CFAP126: variants seen among roughly 807,000 people sequenced by gnomAD.
CFAP126 encodes the protein protein Flattop.
CFAP126 carries 21 observed loss-of-function variants against 17.1 expected under a neutral mutation model. The ratio of observed to expected loss-of-function variants is 1.23; its 90% confidence interval spans 0.87 to 1.77. CFAP126 has a LOEUF of 1.77. Ranked by LOEUF, CFAP126 falls within the 40% of genes most tolerant of loss-of-function variation. The probability of loss-of-function intolerance (pLI) is 0.00; values close to 1 mark genes in which losing one functional copy is unlikely to be tolerated. For missense variants in CFAP126, 174 were observed against 215.4 expected (o/e 0.81, Z 1.20); for synonymous variants, 65 against 73.5 (o/e 0.88, Z 0.59).
Position 161,364,895 on chromosome 1 carries a change from G to A in CFAP126, c.*70C>T. 6.9e-7 allele frequency: 1 copy of A among 1,449,782 alleles called. No individual in the cohort carries two copies. The highest frequency in any genetic ancestry group is 9.5e-7 in the Non-Finnish European group (1 of 1,047,398). The allele number at this position is 1,449,782 out of a possible 1,614,324, so 89.8% of individuals were successfully genotyped here. A position where few individuals can be genotyped will look rare whatever the true frequency, so the allele number is the denominator to read the frequency against. ...TTGGTCCATATGAAGTTCCAGGTTT[G>A]TATTTCTGGACCTCAGCTAGATTAG... On this transcript the variant is annotated 3_prime_UTR_variant, in exon 5 of 5. Transcript: ENST00000367974.
At chr1:161,365,902 A>G in intron 3 of CFAP126, 200 bp from the exon 4 acceptor site, 1 of 629,586 alleles carries the variant, frequency 1.6e-6, no homozygotes, top group East Asian at 2.8e-5. Flanking sequence ...TACTCTGCCA[A>G]CTTAAATTCC....
At chr1:161,367,282 A>G (rs1672758327) in intron 1 of CFAP126, 1 of 152,408 alleles carries the variant, frequency 6.6e-6, no homozygotes, top group Non-Finnish European at 1.5e-5. Context: ...ACTGGTCTAG[A>G]TCAGGAGTTG....
In CFAP126 at chr1:161,365,618, T is replaced by G. The variant is rs1396493989; in HGVS notation, c.256A>C (p.Thr86Pro). Residue 86 changes from threonine (T) to proline (P), a missense_variant, in exon 4 of 5, where the codon ACT becomes CCT. Physicochemically the swap from Thr to Pro is conservative, Grantham distance 38. Transcript: ENST00000367974. ...PARVTLTSRT[T>P]AGAASLTKWI... ...TTGGTGAGGGAGGCAGCACCAGCAG[T>G]TGTACGGGAGGTCAGGGTCACCCGA... 6.2e-7 allele frequency: 1 copy of G among 1,614,016 alleles called. No individual in the cohort carries two copies. Among genetic ancestry groups the G allele is most frequent in the Non-Finnish European group, 8.5e-7 (1 of 1,180,010 alleles).
At chr1:161,366,811 G>T (rs1672745877) in intron 1 of CFAP126, 2 of 333,694 alleles carry the variant, frequency 6.0e-6, no homozygotes, top group South Asian at 6.2e-5. Flanking sequence ...ATCTTGGTCT[G>T]CCACCTGGGT....
In CFAP126 at chr1:161,365,782, T is replaced by A; in HGVS notation, c.172-80A>T. The stretch of plus-strand genomic sequence containing the variant: ...AGACCTCTGTATTATTTCCTTTCTT[T>A]ACCTTTAGGAATGCATGGTTATGAA... On this transcript the variant is annotated intron_variant, in intron 3 of 4. Transcript: ENST00000367974. 6 of 1,265,740 alleles carry A rather than the reference T, an allele frequency of 4.7e-6. No homozygotes were observed. The South Asian group carries it at 8.9e-5, about 19-fold the overall frequency. 78.4% of individuals were successfully genotyped at this position (1,265,740 alleles called of 1,614,324 possible). A position where few individuals can be genotyped will look rare whatever the true frequency, so the allele number is the denominator to read the frequency against.
At position 161,365,951 on chromosome 1, in the gene CFAP126, C is replaced by T. The variant is rs565724440; in HGVS notation, c.171+247G>A. ...GAGTGTGGCAAAGGAGTACCCACTG[C>T]ACAAATGTCATCACCTGAAGGCTTT... On this transcript the variant is annotated intron_variant, in intron 3 of 4. Transcript: ENST00000367974. 8.4e-5 allele frequency: 51 copies of T among 605,508 alleles called. No homozygotes were observed. In the East Asian group the frequency reaches 1.2e-3, roughly 15 times the overall value. 37.5% of individuals were successfully genotyped at this position (605,508 alleles called of 1,614,324 possible).
At chr1:161,366,546 A>G in intron 1 of CFAP126, 45 bp from the exon 2 acceptor site, 14 of 1,549,788 alleles carry the variant, frequency 9.0e-6, no homozygotes, top group Non-Finnish European at 1.2e-5. Context: ...TCAAGGCCCC[A>G]AACCCAGGAA....
Position 161,367,837 on chromosome 1 carries a change from C to T in CFAP126, c.27+5G>A. ...ACGTTAAAGAAATGGAGAATGGGAA[C>T]TTACCTGGTTGGCACTGTAGTTAGT... On this transcript the variant is annotated splice_donor_5th_base_variant and intron_variant, in intron 1 of 4. Transcript: ENST00000367974. The T allele has an allele frequency of 6.2e-7, 1 of 1,613,718 alleles. No homozygotes were observed. Among genetic ancestry groups the T allele is most frequent in the East Asian group, 2.2e-5 (1 of 44,884 alleles).
rs1410007910 is a variant in CFAP126 at position 161,365,073 on chromosome 1, G to C, written c.426C>G (p.Thr142=). 12 of 1,614,110 alleles carry C rather than the reference G, an allele frequency of 7.4e-6. No individual in the cohort carries two copies. The highest frequency in any genetic ancestry group is 1.7e-4 in the Middle Eastern group (1 of 6,060). The change falls in exon 5 of 5, where the codon ACC becomes ACG. Residue 142 remains threonine (T), a synonymous_variant. Transcript: ENST00000367974. ...TKTVQQARSP[T]IIPSSPAANL... is the part of the protein sequence containing the mutation. ...TGGCAGCTGGGGAGCTTGGAATTAT[G>C]GTTGGACTTCGTGCTTGTTGTACAG...
chr1:161,364,842 C>CT lies in CFAP126; in HGVS notation c.*122dup. 1 of 940,064 alleles carries CT rather than the reference C, an allele frequency of 1.1e-6. No homozygotes were observed. The highest frequency in any genetic ancestry group is 1.6e-6 in the Non-Finnish European group (1 of 622,374). 58.2% of individuals were successfully genotyped at this position (940,064 alleles called of 1,614,324 possible). A position where few individuals can be genotyped will look rare whatever the true frequency, so the allele number is the denominator to read the frequency against. On this transcript the variant is annotated 3_prime_UTR_variant, in exon 5 of 5. Transcript: ENST00000367974. ...GGCTCTTGTTTATTTCACTGAGTCG[C>CT]TATACGGGTTTTTCAGTGTGTGGCC...
Position 161,364,815 on chromosome 1 carries a change from G to C in CFAP126, c.*150C>G. ...TTTCCCTGTTTCACAGTTCTGACTGGGGGCTCTTGTTTATTTCACTGAGTC... is the reference window on the plus strand; with the variant it reads ...TTTCCCTGTTTCACAGTTCTGACTGCGGGCTCTTGTTTATTTCACTGAGTC... On this transcript the variant is annotated 3_prime_UTR_variant, in exon 5 of 5. Coordinates refer to ENST00000367974, the MANE Select transcript of CFAP126 (RefSeq NM_001013625.4). 1.3e-6 allele frequency: 1 copy of C among 758,928 alleles called. No individual in the cohort carries two copies. Among genetic ancestry groups the C allele is most frequent in the Non-Finnish European group, 2.1e-6 (1 of 485,046 alleles). 47.0% of individuals were successfully genotyped at this position (758,928 alleles called of 1,614,324 possible). A position where few individuals can be genotyped will look rare whatever the true frequency, so the allele number is the denominator to read the frequency against.
chr1:161,365,292 T>A, intron 4 of CFAP126, 142 bp from the exon 5 acceptor site: 1 of 991,506 alleles, frequency 1.0e-6, no homozygotes, highest in Non-Finnish European at 1.5e-6. Flanking sequence ...TTAAATTTGA[T>A]TTCTCTAACC....
At chr1:161,366,691 T>G in intron 1 of CFAP126, 190 bp from the exon 2 acceptor site, 1 of 604,152 alleles carries the variant, frequency 1.7e-6, no homozygotes, top group Non-Finnish European at 2.9e-6. Context: ...GGGAGCCACA[T>G]GGAGCTGTTG....
Position 161,366,212 on chromosome 1 carries a change from C to T in CFAP126, c.157G>A (p.Val53Met). The T allele has an allele frequency of 6.2e-7, 1 of 1,612,196 alleles. No individual in the cohort carries two copies. The highest frequency in any genetic ancestry group is 8.5e-7 in the Non-Finnish European group (1 of 1,178,308). ...TAGTATCTCACCTTGGAACGGGGCA[C>T]AGAAGGCAGTAGATGACCACGATCG... ...ANDRGHLLPS[V>M]PRSKANPWGS... The change falls in exon 3 of 5, where the codon GTG becomes ATG. Residue 53 changes from valine to methionine, a missense_variant. Physicochemically the swap from Val to Met is conservative, Grantham distance 21. Transcript: ENST00000367974.
At position 161,365,013 on chromosome 1, in the gene CFAP126, G is replaced by T. The variant is rs779645100; in HGVS notation, c.486C>A (p.His162Gln). Reference protein sequence around the residue: ...LNSPDELQSSHPSAGHTPGPQ... With the variant: ...LNSPDELQSSQPSAGHTPGPQ... ...GACCTGGAGTATGACCTGCAGAGGG[G>T]TGTGAGCTTTGGAGTTCATCTGGGG... Residue 162 changes from histidine (H) to glutamine (Q), a missense_variant, in exon 5 of 5, where the codon CAC becomes CAA. Physicochemically the swap from His to Gln is conservative, Grantham distance 24. Coordinates refer to ENST00000367974, the MANE Select transcript of CFAP126 (RefSeq NM_001013625.4). The T allele has an allele frequency of 3.1e-6, 5 of 1,614,216 alleles. No homozygotes were observed. The highest frequency in any genetic ancestry group is 2.2e-5 in the East Asian group (1 of 44,892).
At position 161,365,118 on chromosome 1, in the gene CFAP126, T is replaced by C; in HGVS notation, c.381A>G (p.Arg127=). Residue 127 remains arginine (R), a synonymous_variant, in exon 5 of 5, where the codon AGA becomes AGG. Coordinates refer to ENST00000367974, the MANE Select transcript of CFAP126 (RefSeq NM_001013625.4). The stretch of plus-strand genomic sequence containing the variant: ...GTACAGTCTTTGTGATAGACTTCTT[T>C]CTGAGTTTCTTCTGACTGTCTGGAT... The part of the protein sequence containing the change: ...PHDPDSQKKL[R]KKSITKTVQQ... The C allele has an allele frequency of 6.2e-7, 1 of 1,614,184 alleles. No homozygotes were observed. Among genetic ancestry groups the C allele is most frequent in the Non-Finnish European group, 8.5e-7 (1 of 1,180,024 alleles).
chr1:161,365,346 G>T (rs1672691533), intron 4 of CFAP126, 180 bp downstream of exon 4: 6 of 896,328 alleles, frequency 6.7e-6, no homozygotes, highest in Middle Eastern at 3.3e-4. Flanking sequence ...ACTGTTGGGG[G>T]TATGATGTCC....
intron 3 of CFAP126, 35 bp downstream of exon 3, chr1:161,366,163 T>G (rs1287475733): frequency 6.7e-7 from 1 of 1,493,486 alleles, no homozygotes; most frequent in African/African-American, 1.4e-5. Context: ...CTTAATTATT[T>G]GACTTTCTTG....
At chr1:161,366,917 G>A (rs1236387210) in intron 1 of CFAP126, 1 of 192,274 alleles carries the variant, frequency 5.2e-6, no homozygotes. Flanking sequence ...GGGACTACAG[G>A]TGCATGCCAC....
Sources: gnomAD v4.1 joint callset for allele counts on GRCh38, gnomAD v4.1.1 for gene constraint, MANE v1.5 for transcripts, NCBI Gene and HGNC (gene_info 2026-07-23, HGNC 2026-07-21) for gene names.